LRGUK: variants seen among roughly 807,000 people sequenced by gnomAD.
The protein encoded by LRGUK is leucine-rich repeat and guanylate kinase domain-containing protein.
Under a neutral mutation model 76.0 loss-of-function variants are expected in LRGUK, and 65 were observed. The ratio of observed to expected loss-of-function variants is 0.85; its 90% CI spans 0.70 to 1.05. LRGUK has a LOEUF of 1.05. Ranked by LOEUF, LRGUK falls within the 50% of genes least tolerant of loss-of-function variation. The pLI is 0.00. For missense variants in LRGUK, 758 were observed against 732.8 expected, an observed-to-expected ratio of 1.03 and a Z score of -0.40; for synonymous variants, 268 against 265.6, an observed-to-expected ratio of 1.01 and a Z score of -0.09.
At chr7:134,257,814 A>C (rs764223116) in intron 18 of LRGUK, among the ~76,000 whole-genome samples, 12 of 152,038 alleles carry the variant, frequency 7.9e-5, no homozygotes, top group East Asian at 1.9e-4. Context: ...CAAAAACAAA[A>C]AAAAAAAGGA....
intron 15 of LRGUK, among the ~76,000 whole-genome samples, chr7:134,219,287 A>T (rs927991583): frequency 3.3e-5 from 5 of 152,192 alleles, no homozygotes; most frequent in African/African-American, 4.8e-5. Context: ...CAGTATTACA[A>T]TGTAGTTTAA....
chr7:134,235,667 C>T (rs1005152925), intron 16 of LRGUK, among the ~76,000 whole-genome samples: 1 of 152,110 alleles, frequency 6.6e-6, no homozygotes, highest in Non-Finnish European at 1.5e-5. Flanking sequence ...ATTGTTACTC[C>T]CTGATGTATT....
chr7:134,210,771 A>G (rs1042089723), downstream of LRGUK, among the ~76,000 whole-genome samples: 3 of 152,236 alleles, frequency 2.0e-5, no homozygotes, highest in African/African-American at 7.2e-5. Flanking sequence ...GGGAGAGGTC[A>G]GGCCAGAGAG....
At chr7:134,148,258 C>T in exon 5 of LRGUK, 2 of 1,604,842 alleles carry the variant, frequency 1.2e-6, no homozygotes, top group African/African-American at 2.7e-5. Context: ...TTTCCCACAA[C>T]CAAATTTCTG....
At position 134,201,170 on chromosome 7, in the gene LRGUK, T is replaced by C. The variant is rs77943043; in HGVS notation, c.1748-311T>C. 6.4e-3 allele frequency among the ~76,000 whole-genome samples: 975 copies of C among 152,296 alleles called. 2 individuals carry two copies. The highest frequency in any genetic ancestry group is 0.011 in the Non-Finnish European group (773 of 68,016). On this transcript the variant is annotated intron_variant, in intron 14 of 15. Transcript: ENST00000645682. ...CTCATGTGATTAGGGTGGGCCTGCC[T>C]GGATAATCTCCCTTTTGATTAACCC...
At chr7:134,173,876 T>A (rs753825559) in intron 7 of LRGUK, among the ~76,000 whole-genome samples, 2 of 152,132 alleles carry the variant, frequency 1.3e-5, no homozygotes, top group Non-Finnish European at 2.9e-5. Context: ...TTTGGGAGGC[T>A]GTGGCAGGCG....
chr7:134,251,821 A>G (rs1802453806), intron 18 of LRGUK, among the ~76,000 whole-genome samples: 1 of 152,228 alleles, frequency 6.6e-6, no homozygotes, highest in South Asian at 2.1e-4. Flanking sequence ...CAGTCTAGGT[A>G]TAAATCTAAA....
Position 134,257,343 on chromosome 7 carries a change from CA to C in LRGUK, c.2199-913del, listed in dbSNP as rs1441610651. Among the ~76,000 whole-genome samples the C allele has an allele frequency of 2.0e-5, 3 of 152,128 alleles. No individual in the cohort carries two copies. In the East Asian group the frequency reaches 5.8e-4, roughly 29 times the overall value. On this transcript the variant is annotated intron_variant, in intron 18 of 19. Coordinates refer to the LRGUK transcript ENST00000285928. ...GGTAGAAGTGCCTGTAAACAAGGTT[CA>C]GCTGCTTGCCAGGGCTTTGCAGGAT...
intron 16 of LRGUK, among the ~76,000 whole-genome samples, chr7:134,236,632 A>C (rs1474289751): frequency 6.6e-6 from 1 of 152,224 alleles, no homozygotes; most frequent in Non-Finnish European, 1.5e-5. Flanking sequence ...TTTTCATTAA[A>C]AGGTAGATAA....
chr7:134,137,280 A>C, intron 2 of LRGUK, 150 bp downstream of exon 2: 2 of 630,890 alleles, frequency 3.2e-6, no homozygotes, highest in Admixed American at 5.8e-5. Flanking sequence ...ATTTCTGTAA[A>C]TATTAGACTT....
chr7:134,200,321 G>C (rs1361755986), intron 14 of LRGUK, among the ~76,000 whole-genome samples: 7 of 151,820 alleles, frequency 4.6e-5, no homozygotes, highest in Admixed American at 3.9e-4. Flanking sequence ...ACAGGCGTGA[G>C]CCACCGCACC....
intron 18 of LRGUK, among the ~76,000 whole-genome samples, chr7:134,255,409 G>T (rs375730657): frequency 6.6e-6 from 1 of 152,130 alleles, no homozygotes; most frequent in Non-Finnish European, 1.5e-5. Context: ...AAGCCAAAAG[G>T]CTCGAATCTT....
At chr7:134,217,997 C>T (rs1162129646) in intron 15 of LRGUK, among the ~76,000 whole-genome samples, 2 of 152,120 alleles carry the variant, frequency 1.3e-5, no homozygotes, top group East Asian at 1.9e-4. Flanking sequence ...CTCTGTCTCC[C>T]AGGCTGGAAT....
chr7:134,164,386 A>G (rs1798884977), intron 7 of LRGUK, among the ~76,000 whole-genome samples: 1 of 152,296 alleles, frequency 6.6e-6, no homozygotes, highest in East Asian at 1.9e-4. Context: ...GGTTTACTCA[A>G]ATTTTCAGGT....
At chr7:134,201,440 A>G in intron 14 of LRGUK, 41 bp from the exon 15 acceptor site, 3 of 1,446,786 alleles carry the variant, frequency 2.1e-6, no homozygotes, top group South Asian at 1.2e-5. Flanking sequence ...ACTGTATTGG[A>G]TGTGATCCTG....
intron 1 of LRGUK, among the ~76,000 whole-genome samples, chr7:134,134,065 A>AG (rs1797427015): frequency 6.6e-6 from 1 of 151,940 alleles, no homozygotes; most frequent in Non-Finnish European, 1.5e-5. Flanking sequence ...ATGCCTAAAA[A>AG]AAAAAGAAAA....
chr7:134,167,407 A>G (rs868580217), intron 7 of LRGUK, among the ~76,000 whole-genome samples: 1 of 152,072 alleles, frequency 6.6e-6, no homozygotes, highest in Admixed American at 6.6e-5. Flanking sequence ...ACAGTGATGG[A>G]CTTGGCCTGC....
chr7:134,146,242 C>T (rs1348774720), intron 4 of LRGUK, among the ~76,000 whole-genome samples: 1 of 151,878 alleles, frequency 6.6e-6, no homozygotes, highest in East Asian at 1.9e-4. Context: ...CACTGCACTC[C>T]AGCCTGGGCG....
chr7:134,180,955 C>G (rs1039912350), intron 10 of LRGUK, among the ~76,000 whole-genome samples: 2 of 152,096 alleles, frequency 1.3e-5, no homozygotes, highest in African/African-American at 4.8e-5. Context: ...TATGAATTTG[C>G]CTATTCTATA....
Sources: gnomAD v4.1 joint callset for allele counts (sites outside exome capture counted in the v4.1 genomes callset) on GRCh38, gnomAD v4.1.1 for gene constraint, MANE v1.5 for transcripts, NCBI Gene and HGNC (gene_info 2026-07-23, HGNC 2026-07-21) for gene names.